ADAMTSL1: variants seen among roughly 807,000 people sequenced by gnomAD.
ADAMTSL1 encodes the protein ADAMTS like 1, also known as ADAMTS-like protein 1.
A neutral mutation model predicts 201.8 loss-of-function variants in ADAMTSL1; 126 were observed. That is an observed-to-expected ratio of 0.62 (90% CI 0.54 to 0.72). ADAMTSL1 has a LOEUF of 0.72. Among genes scored for constraint, ADAMTSL1 ranks in the 30% least tolerant of loss-of-function variants. The probability of loss-of-function intolerance (pLI) is 0.00; values close to 1 mark genes in which losing one functional copy is unlikely to be tolerated. For missense variants in ADAMTSL1, 2,679 were observed against 2,277.8 expected (o/e 1.18, Z -3.59); for synonymous variants, 1,121 against 903.4 (o/e 1.24, Z -4.32).
At chr9:18,013,551 C>CA (rs1403609068) in intron 1 of ADAMTSL1, among the ~76,000 whole-genome samples, 2 of 152,028 alleles carry the variant, frequency 1.3e-5, no homozygotes, top group East Asian at 1.9e-4. Context: ...CCAAAGCAAC[C>CA]AAAAAACACG....
chr9:18,399,200 C>A (rs926454757), intron 2 of ADAMTSL1, among the ~76,000 whole-genome samples: 1 of 144,706 alleles, frequency 6.9e-6, no homozygotes, highest in Admixed American at 7.2e-5. Context: ...GCAGAACAGT[C>A]TTTTCTTTGC....
chr9:18,658,950 A>C (rs1828885706), intron 8 of ADAMTSL1, among the ~76,000 whole-genome samples: 1 of 152,222 alleles, frequency 6.6e-6, no homozygotes, highest in Non-Finnish European at 1.5e-5. Context: ...GGCACACATT[A>C]CCAAATTCTT....
chr9:18,631,570 G>T (rs1331768183), intron 5 of ADAMTSL1, among the ~76,000 whole-genome samples: 1 of 152,056 alleles, frequency 6.6e-6, no homozygotes, highest in Non-Finnish European at 1.5e-5. Flanking sequence ...CTCATCAACG[G>T]ATCTAAAAAT....
intron 3 of ADAMTSL1, among the ~76,000 whole-genome samples, chr9:18,543,767 C>G (rs527903851): frequency 1.3e-5 from 2 of 152,208 alleles, no homozygotes; most frequent in Non-Finnish European, 2.9e-5. Context: ...GATCTCCCTG[C>G]AGTGCTTGCT....
chr9:18,062,268 G>A (rs946058051), intron 1 of ADAMTSL1, among the ~76,000 whole-genome samples: 4 of 152,146 alleles, frequency 2.6e-5, no homozygotes, highest in African/African-American at 9.7e-5. Context: ...TAGAGAATAT[G>A]CTCATTTTAT....
chr9:18,383,466 G>T (rs1837647516), intron 2 of ADAMTSL1, among the ~76,000 whole-genome samples: 1 of 152,138 alleles, frequency 6.6e-6, no homozygotes, highest in African/African-American at 2.4e-5. Context: ...TACCCACAGA[G>T]ATCAGCCAAG....
chr9:18,716,956 GAAATCATCATTCTCAGTA>G (rs989561394), intron 14 of ADAMTSL1, among the ~76,000 whole-genome samples: 1 of 137,606 alleles, frequency 7.3e-6, no homozygotes, highest in African/African-American at 2.6e-5. Flanking sequence ...GATGAAATTG[GAAATCATCATTCTCAGTA>G]AACTATCGCA....
intron 4 of ADAMTSL1, among the ~76,000 whole-genome samples, chr9:18,608,540 T>A (rs1359502556): frequency 6.6e-6 from 1 of 152,210 alleles, no homozygotes; most frequent in Non-Finnish European, 1.5e-5. Context: ...GTGAATTTGC[T>A]TTTGTCTAAA....
At chr9:18,307,123 C>T (rs1833940828) in intron 2 of ADAMTSL1, among the ~76,000 whole-genome samples, 1 of 152,092 alleles carries the variant, frequency 6.6e-6, no homozygotes, top group Admixed American at 6.6e-5. Context: ...GAAATAAAAT[C>T]CTTTACAGAC....
At chr9:18,746,007 G>A (rs1564199065) in intron 15 of ADAMTSL1, among the ~76,000 whole-genome samples, 2 of 152,150 alleles carry the variant, frequency 1.3e-5, no homozygotes. Context: ...GAAGAAGAAG[G>A]AAAGGCCAGT....
chr9:18,110,472 A>C (rs1824957921), intron 1 of ADAMTSL1, among the ~76,000 whole-genome samples: 1 of 152,192 alleles, frequency 6.6e-6, no homozygotes, highest in African/African-American at 2.4e-5. Flanking sequence ...TAAAGCCCTA[A>C]GATAACTTCT....
chr9:18,589,033 T>C (rs890725520), intron 4 of ADAMTSL1, among the ~76,000 whole-genome samples: 2 of 151,416 alleles, frequency 1.3e-5, no homozygotes, highest in Non-Finnish European at 2.9e-5. Context: ...TCCACTACCA[T>C]GACTGGCTAA....
Position 18,740,995 on chromosome 9 carries a change from A to G in ADAMTSL1, c.2007-12303A>G, listed in dbSNP as rs1298388104. Among the ~76,000 whole-genome samples, 6 of 152,210 alleles carry G rather than the reference A, an allele frequency of 3.9e-5. No individual in the cohort carries two copies. In the East Asian group the frequency reaches 1.2e-3, roughly 29 times the overall value. The stretch of plus-strand genomic sequence containing the variant: ...CCTCATTCCTCTCAACTCCCAATCT[A>G]TGATTCTGTCTTAGATTGTACTTAT... On this transcript the variant is annotated intron_variant, in intron 15 of 28. Transcript: ENST00000380548.
At chr9:18,237,984 T>C (rs1388790007) in intron 2 of ADAMTSL1, among the ~76,000 whole-genome samples, 2 of 152,232 alleles carry the variant, frequency 1.3e-5, no homozygotes, top group Non-Finnish European at 2.9e-5. Context: ...TTGCTCACAC[T>C]GCTTTGCCCT....
chr9:17,933,248 C>G (rs897535398), intron 1 of ADAMTSL1, among the ~76,000 whole-genome samples: 1 of 152,148 alleles, frequency 6.6e-6, no homozygotes, highest in African/African-American at 2.4e-5. Context: ...TGGCTTGTGG[C>G]TATATCACTC....
At chr9:18,055,942 C>A (rs773749262) in intron 1 of ADAMTSL1, among the ~76,000 whole-genome samples, 1 of 152,156 alleles carries the variant, frequency 6.6e-6, no homozygotes, top group Non-Finnish European at 1.5e-5. Context: ...TAAAAATACG[C>A]TCATTAATTT....
chr9:18,140,651 A>G (rs1826360178), intron 1 of ADAMTSL1, among the ~76,000 whole-genome samples: 1 of 152,226 alleles, frequency 6.6e-6, no homozygotes, highest in African/African-American at 2.4e-5. Flanking sequence ...TGTTTGTGCA[A>G]CAACTGAGGC....
chr9:18,702,729 CTTCA>C, intron 13 of ADAMTSL1, among the ~76,000 whole-genome samples: 1 of 151,474 alleles, frequency 6.6e-6, no homozygotes, highest in South Asian at 2.1e-4. Context: ...TCAAACCATT[CTTCA>C]TTCATCCAAC....
At chr9:18,402,992 TGAG>T (rs1818042959) in intron 2 of ADAMTSL1, among the ~76,000 whole-genome samples, 1 of 152,102 alleles carries the variant, frequency 6.6e-6, no homozygotes, top group Admixed American at 6.5e-5. Flanking sequence ...ATTTTCTAGA[TGAG>T]GAAGCCAGGG....
Sources: gnomAD v4.1 joint callset for allele counts (sites outside exome capture counted in the v4.1 genomes callset) on GRCh38, gnomAD v4.1.1 for gene constraint, MANE v1.5 for transcripts, NCBI Gene and HGNC (gene_info 2026-07-23, HGNC 2026-07-21) for gene names.